RYR2: variants seen among roughly 807,000 people sequenced by gnomAD.
RYR2 encodes the protein ryanodine receptor 2.
In RYR2, 227 loss-of-function variants were observed where a neutral mutation model predicts 601.1. That is an observed-to-expected ratio of 0.38 (90% CI 0.34 to 0.42). The LOEUF is 0.42. Ranked by LOEUF, RYR2 falls within the 10% of genes least tolerant of loss-of-function variation. RYR2 has a pLI of 1.00. For missense variants in RYR2, 4,646 were observed against 6,156.5 expected (o/e 0.75, Z 8.21); for synonymous variants, 2,223 against 2,175.1 (o/e 1.02, Z -0.61).
chr1:237,546,997 T>TATATATATATATATATATATATA (rs58050661), intron 25 of RYR2, among the ~76,000 whole-genome samples: 75 of 83,186 alleles, frequency 9.0e-4, no homozygotes, highest in Non-Finnish European at 1.3e-3. Flanking sequence ...ATATATATAT[T>TATATATATATATATATATATATA]TATTTATTTA....
intron 1 of RYR2, among the ~76,000 whole-genome samples, chr1:237,128,339 G>A (rs999386706): frequency 3.9e-5 from 6 of 152,176 alleles, no homozygotes; most frequent in Admixed American, 3.3e-4. Flanking sequence ...GTCCAGCTTC[G>A]GCTCAGCATG....
chr1:237,813,302 C>G (rs557202929), intron 100 of RYR2, among the ~76,000 whole-genome samples: 12 of 152,194 alleles, frequency 7.9e-5, no homozygotes, highest in Non-Finnish European at 1.8e-4. Flanking sequence ...CTACCAGCCT[C>G]AGGGCAGAAA....
intron 1 of RYR2, among the ~76,000 whole-genome samples, chr1:237,054,246 T>A: frequency 6.9e-6 from 1 of 144,668 alleles, no homozygotes; most frequent in African/African-American, 2.6e-5. Flanking sequence ...CTCCCTCCCT[T>A]TATCCATCAC....
intron 88 of RYR2, among the ~76,000 whole-genome samples, chr1:237,779,700 A>C (rs1001208728): frequency 1.3e-5 from 2 of 152,240 alleles, no homozygotes; most frequent in Non-Finnish European, 2.9e-5. Flanking sequence ...GTAAGGATAC[A>C]TCTTAATGTC....
chr1:237,431,857 C>T (rs1572294198), intron 12 of RYR2, among the ~76,000 whole-genome samples: 2 of 152,218 alleles, frequency 1.3e-5, no homozygotes, highest in South Asian at 4.1e-4. Flanking sequence ...CAGAACTTTG[C>T]ACCAGTATTT....
At chr1:237,750,148 A>C (rs947948677) in intron 80 of RYR2, among the ~76,000 whole-genome samples, 2 of 152,234 alleles carry the variant, frequency 1.3e-5, no homozygotes, top group African/African-American at 2.4e-5. Flanking sequence ...TCCATCTCAA[A>C]AAACAAAAAA....
chr1:237,525,432 T>A (rs944629635), intron 24 of RYR2, among the ~76,000 whole-genome samples: 20 of 144,602 alleles, frequency 1.4e-4, no homozygotes, highest in Admixed American at 6.4e-4. Flanking sequence ...AACATGTGAG[T>A]GCAGGTGTTT....
intron 2 of RYR2, among the ~76,000 whole-genome samples, chr1:237,283,950 C>A (rs1423934231): frequency 6.6e-6 from 1 of 152,200 alleles, no homozygotes; most frequent in African/African-American, 2.4e-5. Flanking sequence ...TATCCCTCAT[C>A]CTCCTTCCAC....
intron 29 of RYR2, among the ~76,000 whole-genome samples, chr1:237,585,522 C>G (rs139815474): frequency 1.1e-4 from 16 of 152,254 alleles, no homozygotes; most frequent in South Asian, 1.0e-3. Context: ...GGCAGCTGAA[C>G]AGTACCTGTA....
At chr1:237,092,353 T>C (rs1225970337) in intron 1 of RYR2, among the ~76,000 whole-genome samples, 1 of 152,168 alleles carries the variant, frequency 6.6e-6, no homozygotes, top group East Asian at 1.9e-4. Flanking sequence ...GTTTGTTTCC[T>C]TGAAGGAGAC....
intron 25 of RYR2, among the ~76,000 whole-genome samples, chr1:237,539,970 A>T (rs560299937): frequency 6.6e-6 from 1 of 152,306 alleles, no homozygotes; most frequent in South Asian, 2.1e-4. Context: ...TTAATGGAAA[A>T]TTCTTAAGAA....
At chr1:237,465,354 C>T (rs907942602) in intron 16 of RYR2, among the ~76,000 whole-genome samples, 1 of 151,900 alleles carries the variant, frequency 6.6e-6, no homozygotes, top group Non-Finnish European at 1.5e-5. Context: ...TTATTAATTT[C>T]ATTAATATAT....
intron 38 of RYR2, among the ~76,000 whole-genome samples, chr1:237,622,803 A>G (rs1679210324): frequency 1.3e-5 from 2 of 152,212 alleles, no homozygotes; most frequent in South Asian, 4.1e-4. Flanking sequence ...TTTCTGTGCC[A>G]TTTCATATAG....
At chr1:237,605,287 T>C (rs1406573241) in intron 35 of RYR2, among the ~76,000 whole-genome samples, 3 of 152,194 alleles carry the variant, frequency 2.0e-5, no homozygotes, top group Non-Finnish European at 4.4e-5. Flanking sequence ...TTAATAAACG[T>C]AATCCAGCAT....
At chr1:237,411,104 A>T (rs571193019) in intron 10 of RYR2, among the ~76,000 whole-genome samples, 1 of 152,296 alleles carries the variant, frequency 6.6e-6, no homozygotes, top group East Asian at 1.9e-4. Context: ...ATTCAAATTC[A>T]TGGAAGGAGA....
In RYR2 at chr1:237,498,149, A is replaced by T. The variant is rs116325753; in HGVS notation, c.2203+1397A>T. ...CCAAAGTGCTGGGATTACAAGTGTG[A>T]GCCACCGTACCCAGCCTCAATTTTT... On this transcript the variant is annotated intron_variant, in intron 20 of 104. Transcript: ENST00000366574. Among the ~76,000 whole-genome samples the T allele has an allele frequency of 9.8e-3, 1,488 of 152,222 alleles. 25 individuals carry two copies. The highest frequency in any genetic ancestry group is 0.032 in the African/African-American group (1,333 of 41,516).
At chr1:237,316,099 C>T (rs1231952226) in intron 2 of RYR2, among the ~76,000 whole-genome samples, 1 of 152,036 alleles carries the variant, frequency 6.6e-6, no homozygotes, top group Non-Finnish European at 1.5e-5. Context: ...CGATTAGGAA[C>T]ATTACCAAGT....
intron 12 of RYR2, among the ~76,000 whole-genome samples, chr1:237,430,000 T>C (rs534584085): frequency 7.8e-4 from 119 of 151,856 alleles, no homozygotes; most frequent in African/African-American, 2.8e-3. Context: ...TATTGTTGAA[T>C]AAAACAACAT....
chr1:237,791,127 C>T (rs1330258222), intron 92 of RYR2, among the ~76,000 whole-genome samples: 2 of 152,238 alleles, frequency 1.3e-5, no homozygotes, highest in Admixed American at 6.5e-5. Context: ...CCCAGACCAA[C>T]ACCATCTAAA....
Sources: allele counts gnomAD v4.1 joint callset (sites outside exome capture counted in the v4.1 genomes callset), GRCh38; gene constraint gnomAD v4.1.1; transcripts MANE v1.5; gene names NCBI Gene and HGNC (gene_info 2026-07-23, HGNC 2026-07-21).